The following PLXNA2 variants were observed in gnomAD, a reference collection of about 807,000 sequenced individuals.
PLXNA2 encodes plexin-A2.
Under a neutral mutation model 193.5 loss-of-function variants are expected in PLXNA2, and 91 were observed. That is an observed-to-expected ratio of 0.47 (90% CI 0.40 to 0.56). PLXNA2 has a LOEUF of 0.56. Ranked by LOEUF, PLXNA2 falls within the 20% of genes least tolerant of loss-of-function variation. The pLI is 0.00. For missense variants in PLXNA2, 1,995 were observed against 2,503.2 expected (o/e 0.80, Z 4.33); for synonymous variants, 997 against 1,027.3 (o/e 0.97, Z 0.56).
At position 208,217,927 on chromosome 1, in the gene PLXNA2, A is replaced by G. The variant is rs754459886; in HGVS notation, c.-5T>C. ...CCAGGGCCGCCTCTGTTCCATGCTG[A>G]GAGGGGCGGCGGTGAGGAGACGGCT... On this transcript the variant is annotated 5_prime_UTR_variant, in exon 2 of 32. Coordinates refer to ENST00000367033, the MANE Select transcript of PLXNA2 (RefSeq NM_025179.4). The surrounding 1 kb of genome is among the most constrained non-coding windows in gnomAD (Gnocchi z 4.7). 1.9e-6 allele frequency: 3 copies of G among 1,607,180 alleles called. No individual in the cohort carries two copies. Among genetic ancestry groups the G allele is most frequent in the African/African-American group, 2.7e-5 (2 of 74,846 alleles).
At chr1:208,158,051 G>A (rs1434879677) in intron 3 of PLXNA2, among the ~76,000 whole-genome samples, 4 of 152,198 alleles carry the variant, frequency 2.6e-5, no homozygotes, top group Admixed American at 6.5e-5. Flanking sequence ...TGGACACCAG[G>A]GGAAAGAGAG....
In PLXNA2 at chr1:208,152,187, A is replaced by C. The variant is rs190599569; in HGVS notation, c.1372-9724T>G. Among the ~76,000 whole-genome samples the C allele has an allele frequency of 4.3e-4, 65 of 152,382 alleles. No homozygotes were observed. The Middle Eastern group carries it at 0.01, about 24-fold the overall frequency. ...GCTGTAGGGATGGGAAGGGAGGTCG[A>C]GAGCGCTAAGCACCATTATCTGACA... is the stretch of plus-strand genomic sequence containing the variant. On this transcript the variant is annotated intron_variant, in intron 3 of 31. Transcript: ENST00000367033.
At chr1:208,221,433 C>T (rs893091576) in intron 1 of PLXNA2, among the ~76,000 whole-genome samples, 12 of 137,798 alleles carry the variant, frequency 8.7e-5, no homozygotes, top group Non-Finnish European at 1.5e-4. Flanking sequence ...AAACAGACCA[C>T]TCCAGCTGGG....
intron 3 of PLXNA2, among the ~76,000 whole-genome samples, chr1:208,209,757 G>A (rs1375662694): frequency 6.6e-6 from 1 of 152,122 alleles, no homozygotes; most frequent in African/African-American, 2.4e-5. Context: ...GGAAAGACTG[G>A]AGAATGGTGT....
Position 208,091,583 on chromosome 1 carries a change from C to T in PLXNA2, c.2097+1203G>A, listed in dbSNP as rs1666711416. Among the ~76,000 whole-genome samples, 3 of 152,118 alleles carry T rather than the reference C, an allele frequency of 2.0e-5. No individual in the cohort carries two copies. In the South Asian group the frequency reaches 6.2e-4, roughly 32 times the overall value. ...CAAGAGGAAGATGTGTATAGAAAGG[C>T]TATAGTAGGCCGGGCGGAGTGGCTC... On this transcript the variant is annotated intron_variant, in intron 9 of 31. Coordinates refer to ENST00000367033, the MANE Select transcript of PLXNA2 (RefSeq NM_025179.4).
intron 3 of PLXNA2, among the ~76,000 whole-genome samples, chr1:208,167,985 G>A (rs770275156): frequency 6.6e-6 from 1 of 152,208 alleles, no homozygotes. Flanking sequence ...CAAAGTGAAT[G>A]TGCTATATGC....
chr1:208,055,529 A>G (rs1665402987), intron 13 of PLXNA2, among the ~76,000 whole-genome samples: 1 of 152,126 alleles, frequency 6.6e-6, no homozygotes, highest in Non-Finnish European at 1.5e-5. Flanking sequence ...AATGGAGGGA[A>G]GGATTTTTCC....
rs1432616146 is a variant in PLXNA2, at chr1:208,082,473, G to A, written c.2334C>T (p.Ala778=). ...CGTTCCACACCACAGCGAAATCCAC[G>A]GCCAGATTGCTGATGTCCATGCCAT... ...QYDGMDISNL[A]VDFAVVWNGN... The change falls in exon 11 of 32, where the codon GCC becomes GCT. Residue 778 remains alanine (A), a synonymous_variant. Transcript: ENST00000367033. The surrounding 1 kb of genome is among the most constrained non-coding windows in gnomAD (Gnocchi z 4.2). The A allele has an allele frequency of 1.9e-6, 3 of 1,614,064 alleles. No individual in the cohort carries two copies. Among genetic ancestry groups the A allele is most frequent in the South Asian group, 2.2e-5 (2 of 91,072 alleles).
chr1:208,144,702 TC>T (rs1054605741), intron 3 of PLXNA2, among the ~76,000 whole-genome samples: 3 of 152,124 alleles, frequency 2.0e-5, no homozygotes, highest in Admixed American at 2.0e-4. Context: ...TTCCTGTGCC[TC>T]ATCACTCCCC....
intron 12 of PLXNA2, among the ~76,000 whole-genome samples, chr1:208,074,103 C>T (rs541881133): frequency 2.8e-4 from 43 of 152,182 alleles, no homozygotes; most frequent in Non-Finnish European, 5.1e-4. Flanking sequence ...AATCCCTTTA[C>T]CCTCCCTGAG....
chr1:208,103,072 T>C lies in PLXNA2; in HGVS notation c.1607+75A>G. 5 of 949,764 alleles carry C rather than the reference T, an allele frequency of 5.3e-6. No individual in the cohort carries two copies. The South Asian group carries it at 5.4e-5, about 10-fold the overall frequency. The allele number at this position is 949,764 out of a possible 1,614,324, so 58.8% of individuals were successfully genotyped here. A position where few individuals can be genotyped will look rare whatever the true frequency, so the allele number is the denominator to read the frequency against. On this transcript the variant is annotated intron_variant, in intron 5 of 31. Coordinates refer to ENST00000367033, the MANE Select transcript of PLXNA2 (RefSeq NM_025179.4). Reference sequence around the variant, plus strand: ...GACAATTCCTCTCTCTGCAAAGTACTGTCATATCCCATCATTCCCGGAAAG... The same window carrying C: ...GACAATTCCTCTCTCTGCAAAGTACCGTCATATCCCATCATTCCCGGAAAG...
intron 2 of PLXNA2, among the ~76,000 whole-genome samples, chr1:208,213,130 A>G (rs1671015741): frequency 1.3e-5 from 2 of 152,106 alleles, no homozygotes; most frequent in East Asian, 1.9e-4. Flanking sequence ...AGATTTTGCT[A>G]CTGTCTTATT....
At chr1:208,054,384 CT>C (rs1665358199) in intron 14 of PLXNA2, 36 bp downstream of exon 14, 2 of 1,428,232 alleles carry the variant, frequency 1.4e-6, no homozygotes, top group Non-Finnish European at 2.0e-6. Flanking sequence ...TGTCTCCTCC[CT>C]GGGCACCTGC....
intron 26 of PLXNA2, among the ~76,000 whole-genome samples, chr1:208,036,256 G>A (rs1038587923): frequency 3.9e-5 from 6 of 152,214 alleles, no homozygotes; most frequent in African/African-American, 1.4e-4. Context: ...CACTCCCAGG[G>A]AGAACAGATT....
chr1:208,113,450 C>T (rs1273716268), intron 4 of PLXNA2, among the ~76,000 whole-genome samples: 1 of 152,108 alleles, frequency 6.6e-6, no homozygotes, highest in Non-Finnish European at 1.5e-5. Flanking sequence ...TCTCAGGGCC[C>T]TGCCCTTTTG....
chr1:208,120,770 A>G (rs528255872), intron 4 of PLXNA2, among the ~76,000 whole-genome samples: 1 of 152,182 alleles, frequency 6.6e-6, no homozygotes, highest in South Asian at 2.1e-4. Context: ...TCAGAGACAG[A>G]ATGTTTTTAA....
At chr1:208,108,918 T>C (rs894675302) in intron 4 of PLXNA2, among the ~76,000 whole-genome samples, 1 of 152,146 alleles carries the variant, frequency 6.6e-6, no homozygotes, top group African/African-American at 2.4e-5. Flanking sequence ...TTTGCAATCA[T>C]GCAAGAGAGA....
Position 208,103,244 on chromosome 1 carries a change from T to C in PLXNA2, c.1510A>G (p.Thr504Ala). 6.2e-7 allele frequency: 1 copy of C among 1,613,090 alleles called. No homozygotes were observed. Among genetic ancestry groups the C allele is most frequent in the South Asian group, 1.1e-5 (1 of 90,910 alleles). The change falls in exon 5 of 32, where the codon ACC (threonine) becomes GCC (alanine). Residue 504 changes from threonine (T) to alanine (A), a missense_variant. Transcript: ENST00000367033. ...YLYVMSERQV[T>A]RVPVESCEQY... ...TCACATGACTCCACGGGGACCCTGG[T>C]GACCTGGCAGAGAGAGCAAAGAGGG...
At chr1:208,101,021 T>C (rs1448235892) in intron 5 of PLXNA2, among the ~76,000 whole-genome samples, 1 of 152,178 alleles carries the variant, frequency 6.6e-6, no homozygotes, top group African/African-American at 2.4e-5. Context: ...ACATAATGGA[T>C]CTAAATATGA....
Sources: gnomAD v4.1 joint callset for allele counts (sites outside exome capture counted in the v4.1 genomes callset) on GRCh38, gnomAD v4.1.1 for gene constraint, Gnocchi (gnomAD v3.1) non-coding constraint, MANE v1.5 for transcripts, NCBI Gene and HGNC (gene_info 2026-07-23, HGNC 2026-07-21) for gene names.